Variants in LARGE1 observed in about 807,000 individuals in gnomAD.
LARGE1 encodes the protein xylosyl- and glucuronyltransferase LARGE1.
LARGE1 carries 43 observed loss-of-function variants against 87.6 expected under a neutral mutation model. The ratio of observed to expected loss-of-function variants is 0.49; its 90% CI spans 0.38 to 0.63. The LOEUF is 0.63. LARGE1 is among the 30% of genes least tolerant of loss of function. The pLI, the probability that LARGE1 is intolerant of heterozygous loss-of-function variation, is 0.00. For synonymous variants in LARGE1, 434 were observed against 394.6 expected (o/e 1.10, Z -1.18); for missense variants, 802 against 1,000.2 (o/e 0.80, Z 2.67).
At chr22:33,246,825 A>T (rs1926781764) in intron 11 of LARGE1, among the ~76,000 whole-genome samples, 1 of 152,214 alleles carries the variant, frequency 6.6e-6, no homozygotes, top group Non-Finnish European at 1.5e-5. Flanking sequence ...TATCACTGAA[A>T]GCCTGTGGCA....
chr22:33,722,304 AG>A (rs2149444476), intron 2 of LARGE1, among the ~76,000 whole-genome samples: 1 of 114,162 alleles, frequency 8.8e-6, no homozygotes, highest in East Asian at 2.9e-4. Context: ...GAGGAGGGAG[AG>A]GGAGAGGAGG....
chr22:33,517,865 G>A (rs1301738093), intron 6 of LARGE1, among the ~76,000 whole-genome samples: 1 of 152,162 alleles, frequency 6.6e-6, no homozygotes, highest in Non-Finnish European at 1.5e-5. Flanking sequence ...GGGGAGACCT[G>A]GGTCAACAAG....
chr22:33,564,005 G>A (rs1191996422), intron 6 of LARGE1, among the ~76,000 whole-genome samples: 1 of 152,160 alleles, frequency 6.6e-6, no homozygotes, highest in African/African-American at 2.4e-5. Flanking sequence ...AAATCATTAA[G>A]TAGTATTTTG....
intron 6 of LARGE1, among the ~76,000 whole-genome samples, chr22:33,439,859 G>C (rs2067405995): frequency 6.6e-6 from 1 of 152,158 alleles, no homozygotes; most frequent in Non-Finnish European, 1.5e-5. Context: ...GATCAAACTT[G>C]TCACCACAGC....
intron 11 of LARGE1, among the ~76,000 whole-genome samples, chr22:33,170,368 C>G (rs1341703968): frequency 6.6e-6 from 1 of 151,948 alleles, no homozygotes; most frequent in Non-Finnish European, 1.5e-5. Context: ...GACTCCATCT[C>G]AAAAATAAAT....
intron 11 of LARGE1, among the ~76,000 whole-genome samples, chr22:33,185,550 G>A (rs1353414832): frequency 6.6e-6 from 1 of 152,054 alleles, no homozygotes; most frequent in African/African-American, 2.4e-5. Context: ...TGTAAACTAT[G>A]GGCTTTGGGT....
intron 11 of LARGE1, among the ~76,000 whole-genome samples, chr22:33,183,116 A>G (rs1162933983): frequency 6.6e-6 from 1 of 151,920 alleles, no homozygotes; most frequent in East Asian, 1.9e-4. Context: ...TATAAGATAT[A>G]TAAGGAGCTC....
intron 6 of LARGE1, among the ~76,000 whole-genome samples, chr22:33,458,716 C>T (rs1342427145): frequency 4.6e-5 from 7 of 152,176 alleles, no homozygotes; most frequent in Non-Finnish European, 7.3e-5. Context: ...GCGTGAGCCA[C>T]TGTGTCCAGC....
chr22:33,854,033 TG>T (rs1458765230), intron 1 of LARGE1, among the ~76,000 whole-genome samples: 4 of 152,024 alleles, frequency 2.6e-5, no homozygotes, highest in Admixed American at 6.5e-5. Context: ...AGACAGTCCT[TG>T]TAGAGGCTGA....
At chr22:33,373,030 T>C (rs1183853867) in intron 9 of LARGE1, among the ~76,000 whole-genome samples, 1 of 152,182 alleles carries the variant, frequency 6.6e-6, no homozygotes, top group Non-Finnish European at 1.5e-5. Flanking sequence ...TGACTGGTTA[T>C]TTAATAAAGA....
At chr22:33,796,336 A>G (rs183118132) in intron 1 of LARGE1, among the ~76,000 whole-genome samples, 6 of 152,306 alleles carry the variant, frequency 3.9e-5, no homozygotes, top group South Asian at 4.1e-4. Context: ...AGGGATTCAG[A>G]ATATCAGAAA....
chr22:33,750,689 G>C (rs185754502), intron 2 of LARGE1: 23 of 152,152 alleles, frequency 1.5e-4, no homozygotes, highest in Admixed American at 7.2e-4. Context: ...ATATCAAGCA[G>C]TAATATTGTT....
chr22:33,795,106 A>G (rs139491772), intron 1 of LARGE1, among the ~76,000 whole-genome samples: 1 of 152,202 alleles, frequency 6.6e-6, no homozygotes, highest in East Asian at 1.9e-4. Context: ...GTCTTTAAAG[A>G]GGTTTGAATT....
chr22:33,476,058 C>CG (rs1214042254), intron 6 of LARGE1, among the ~76,000 whole-genome samples: 2 of 152,212 alleles, frequency 1.3e-5, no homozygotes, highest in Admixed American at 6.5e-5. Context: ...ACAAAAGCTA[C>CG]GTATCTTCCT....
Position 33,695,483 on chromosome 22 carries a change from T to A in LARGE1, c.107-44815A>T, listed in dbSNP as rs1004577502. Among the ~76,000 whole-genome samples the A allele has an allele frequency of 2.0e-5, 3 of 152,178 alleles. No individual in the cohort carries two copies. In the South Asian group the frequency reaches 6.2e-4, roughly 32 times the overall value. Reference sequence around the variant, plus strand: ...CAGATTTTTCCCTAATATTTTATTATGAAAAATTCCAAATACACAGTAAAG... The same window carrying A: ...CAGATTTTTCCCTAATATTTTATTAAGAAAAATTCCAAATACACAGTAAAG... On this transcript the variant is annotated intron_variant, in intron 2 of 14. Transcript: ENST00000397394.
chr22:33,390,692 T>G (rs2065486089), intron 7 of LARGE1, among the ~76,000 whole-genome samples: 2 of 55,344 alleles, frequency 3.6e-5, no homozygotes, highest in African/African-American at 3.7e-4. Flanking sequence ...GTTGTGTGTT[T>G]TTTTTTTTTT....
chr22:33,116,365 T>C, the LARGE1 span: 1 of 130,630 alleles, frequency 7.7e-6, no homozygotes, highest in Non-Finnish European at 1.6e-5. Context: ...TTCTTTTTTG[T>C]TTTTTTTGAG....
In LARGE1 at chr22:33,614,533, A is replaced by G. The variant is rs563472752; in HGVS notation, c.492-9975T>C. The stretch of plus-strand genomic sequence containing the variant: ...TCACCCTATCTGTCCCTCAAAGCTC[A>G]TATCTTCACACCCCTTCCTTAAACC... On this transcript the variant is annotated intron_variant, in intron 4 of 14. Coordinates refer to ENST00000397394, the MANE Select transcript of LARGE1 (RefSeq NM_133642.5). 3.9e-5 allele frequency among the ~76,000 whole-genome samples: 6 copies of G among 152,124 alleles called. No homozygotes were observed. The East Asian group carries it at 9.7e-4, about 25-fold the overall frequency.
intron 2 of LARGE1, among the ~76,000 whole-genome samples, chr22:33,692,601 G>A (rs777529327): frequency 5.9e-5 from 9 of 152,172 alleles, no homozygotes; most frequent in African/African-American, 1.9e-4. Context: ...GTGAGCCACC[G>A]CGCCCGGCCA....
Sources: allele counts gnomAD v4.1 joint callset (sites outside exome capture counted in the v4.1 genomes callset), GRCh38; gene constraint gnomAD v4.1.1; transcripts MANE v1.5; gene names NCBI Gene and HGNC (gene_info 2026-07-23, HGNC 2026-07-21).